Variants in ARHGAP17 observed in about 807,000 individuals in gnomAD.
The protein encoded by ARHGAP17 is Rho GTPase activating protein 17, also known as rho GTPase-activating protein 17.
In ARHGAP17, 57 loss-of-function variants were observed where a neutral mutation model predicts 99.5. That is an observed-to-expected ratio of 0.57 (90% CI 0.46 to 0.71). The LOEUF (loss-of-function observed/expected upper bound fraction) is 0.71. Among genes scored for constraint, ARHGAP17 ranks in the 30% least tolerant of loss-of-function variants. The probability of loss-of-function intolerance (pLI) is 0.00; values close to 1 mark genes in which losing one functional copy is unlikely to be tolerated. For missense variants in ARHGAP17, 1,000 were observed against 1,122.4 expected (o/e 0.89, Z 1.56); for synonymous variants, 417 against 429.6 (o/e 0.97, Z 0.36).
chr16:24,931,308 G>A lies in ARHGAP17; in HGVS notation c.1991C>T (p.Pro664Leu). 6.5e-7 allele frequency: 1 copy of A among 1,527,264 alleles called. No homozygotes were observed. Among genetic ancestry groups the A allele is most frequent in the South Asian group, 1.3e-5 (1 of 77,240 alleles). 94.6% of individuals were successfully genotyped at this position (1,527,264 alleles called of 1,614,324 possible). A position where few individuals can be genotyped will look rare whatever the true frequency, so the allele number is the denominator to read the frequency against. ...GGTGGGTGGCTTTGGTGACAGACTG[G>A]GTGGATGCTGAGATGTTCCTGAAGA... ...QSSSGTSQHP[P>L]SLSPKPPTRS... The change falls in exon 19 of 20, where the codon CCC becomes CTC. Residue 664 changes from proline to leucine, a missense_variant. This residue lies in a region of ARHGAP17 where 528 missense variants were observed against 511.4 expected (regional missense o/e 1.03). Transcript: ENST00000289968.
In ARHGAP17 at chr16:24,935,626, T is replaced by C. The variant is rs1002869753; in HGVS notation, c.1738A>G (p.Lys580Glu). 6.2e-7 allele frequency: 1 copy of C among 1,613,986 alleles called. No individual in the cohort carries two copies. The highest frequency in any genetic ancestry group is 8.5e-7 in the Non-Finnish European group (1 of 1,180,022). Residue 580 changes from lysine to glutamate, a missense_variant, in exon 18 of 20, where the codon AAG becomes GAG. Coordinates refer to ENST00000289968, the MANE Select transcript of ARHGAP17 (RefSeq NM_001006634.3). ...SPGDGSPPKPKDPVSAAVPAP... is the reference protein window; with the variant it reads ...SPGDGSPPKPEDPVSAAVPAP... ...GGCACAGCTGCAGATACAGGGTCCT[T>C]CGGTTTGGGAGGACTAAGAGGAGTA...
At chr16:24,998,037 C>T (rs1386181990) in intron 1 of ARHGAP17, among the ~76,000 whole-genome samples, 1 of 151,928 alleles carries the variant, frequency 6.6e-6, no homozygotes, top group Non-Finnish European at 1.5e-5. Flanking sequence ...CCCTGGGACA[C>T]AGCGGAAGGA....
Position 24,970,627 on chromosome 16 carries a change from A to G in ARHGAP17, c.199-47T>C, listed in dbSNP as rs1210491599. Reference sequence around the variant, plus strand: ...GTGTTTTTCTCATTATTTGATACCCATTCTCAATGATCTTTTTCAGATCAT... The same window carrying G: ...GTGTTTTTCTCATTATTTGATACCCGTTCTCAATGATCTTTTTCAGATCAT... On this transcript the variant is annotated intron_variant, in intron 3 of 19. Coordinates refer to ENST00000289968, the MANE Select transcript of ARHGAP17 (RefSeq NM_001006634.3). 4.7e-6 allele frequency: 7 copies of G among 1,499,358 alleles called. No homozygotes were observed. The South Asian group carries it at 7.9e-5, about 17-fold the overall frequency. The allele number at this position is 1,499,358 out of a possible 1,614,324, so 92.9% of individuals were successfully genotyped here.
intron 1 of ARHGAP17, among the ~76,000 whole-genome samples, chr16:24,988,887 C>T (rs1045677965): frequency 6.6e-6 from 1 of 152,240 alleles, no homozygotes; most frequent in African/African-American, 2.4e-5. Flanking sequence ...CCCCAGCCTG[C>T]TCCAGTCACT....
At chr16:24,985,722 C>T (rs1166162956) in intron 1 of ARHGAP17, among the ~76,000 whole-genome samples, 3 of 152,130 alleles carry the variant, frequency 2.0e-5, no homozygotes, top group Non-Finnish European at 2.9e-5. Flanking sequence ...GGACATGTTT[C>T]GGGAGGGCAG....
rs1037741078 is a variant in ARHGAP17 at position 24,942,119 on chromosome 16, G to A, written c.1358C>T (p.Ala453Val). The change falls in exon 16 of 20, where the codon GCA (alanine) becomes GTA (valine). Residue 453 changes from alanine (A) to valine (V), a missense_variant. Physicochemically the swap from Ala to Val is moderately conservative, Grantham distance 64. Around this residue, in one of 2 missense-constraint regions of ARHGAP17, gnomAD observed 472 missense variants for 611.1 expected, o/e 0.77. Transcript: ENST00000289968. ...ACTCGGGGTGGTGAGAGGTACAAATGCTTCTGATACATTAAATTCCACCTC... is the reference window on the plus strand; with the variant it reads ...ACTCGGGGTGGTGAGAGGTACAAATACTTCTGATACATTAAATTCCACCTC... ...PEEVEFNVSE[A>V]FVPLTTPSSN... 1.4e-6 allele frequency: 2 copies of A among 1,472,702 alleles called. No homozygotes were observed. Among genetic ancestry groups the A allele is most frequent in the African/African-American group, 2.9e-5 (2 of 69,606 alleles). The allele number at this position is 1,472,702 out of a possible 1,614,324, so 91.2% of individuals were successfully genotyped here.
chr16:24,974,985 C>G (rs1213641477), intron 3 of ARHGAP17, among the ~76,000 whole-genome samples: 3 of 151,874 alleles, frequency 2.0e-5, no homozygotes, highest in Non-Finnish European at 4.4e-5. Flanking sequence ...ATCTCTACTA[C>G]GAAAAAAACA....
intron 17 of ARHGAP17, among the ~76,000 whole-genome samples, chr16:24,938,723 G>A (rs113595811): frequency 9.5e-5 from 14 of 147,342 alleles, no homozygotes; most frequent in African/African-American, 2.2e-4. Context: ...AGTGAGCTAC[G>A]ATTATGCCAC....
chr16:24,924,982 A>C (rs946882675), intron 19 of ARHGAP17, among the ~76,000 whole-genome samples: 16 of 152,214 alleles, frequency 1.1e-4, no homozygotes, highest in African/African-American at 3.9e-4. Flanking sequence ...CAGAGTGTTT[A>C]AGACCCAAAC....
intron 3 of ARHGAP17, among the ~76,000 whole-genome samples, chr16:24,974,453 ATGCTT>A: frequency 6.6e-6 from 1 of 152,038 alleles, no homozygotes; most frequent in Non-Finnish European, 1.5e-5. Flanking sequence ...CAAACAAAAA[ATGCTT>A]AGCATCTCGG....
At position 24,980,814 on chromosome 16, in the gene ARHGAP17, G is replaced by GCCAA. The variant is rs2052653304; in HGVS notation, c.54-1813_54-1810dup. Among the ~76,000 whole-genome samples, 4 of 152,136 alleles carry GCCAA rather than the reference G, an allele frequency of 2.6e-5. No homozygotes were observed. In the South Asian group the frequency reaches 6.2e-4, roughly 24 times the overall value. On this transcript the variant is annotated intron_variant, in intron 1 of 19. Coordinates refer to ENST00000289968, the MANE Select transcript of ARHGAP17 (RefSeq NM_001006634.3). ...GGGTAACTTTTGCCTTTCTTCCCTA[G>GCCAA]CCAAAACCCCCAAATCTGGACAGGG...
At chr16:25,003,855 C>A (rs1364756305) in intron 1 of ARHGAP17, among the ~76,000 whole-genome samples, 1 of 151,610 alleles carries the variant, frequency 6.6e-6, no homozygotes, top group East Asian at 1.9e-4. Flanking sequence ...AACCAACTTA[C>A]ACCTTCTATT....
rs2050978397 is a variant in ARHGAP17 at position 24,931,167 on chromosome 16, G to C, written c.2132C>G (p.Pro711Arg). 1 of 1,595,930 alleles carries C rather than the reference G, an allele frequency of 6.3e-7. No individual in the cohort carries two copies. The highest frequency in any genetic ancestry group is 2.2e-5 in the East Asian group (1 of 44,780). ...YSSSLSPIQAPNHPPPQPPTQ... is the reference protein window; with the variant it reads ...YSSSLSPIQARNHPPPQPPTQ... ...AGGGGGCTGCGGCGGTGGGTGATTG[G>C]GAGCTTGGATTGGAGACAAGCTGCT... The change falls in exon 19 of 20, where the codon CCC becomes CGC. Residue 711 changes from proline (P) to arginine (R), a missense_variant. Physicochemically the swap from Pro to Arg is moderately radical, Grantham distance 103. Coordinates refer to ENST00000289968, the MANE Select transcript of ARHGAP17 (RefSeq NM_001006634.3).
chr16:24,998,454 G>A (rs540149979), intron 1 of ARHGAP17, among the ~76,000 whole-genome samples: 311 of 151,096 alleles, frequency 2.1e-3, no homozygotes, highest in African/African-American at 7.0e-3. Flanking sequence ...CCATGACCAC[G>A]GGTCAACCTG....
intron 1 of ARHGAP17, among the ~76,000 whole-genome samples, chr16:25,003,000 C>T (rs7199687): frequency 0.023 from 3,136 of 133,768 alleles, 104 homozygotes; most frequent in African/African-American, 0.079. Flanking sequence ...GATTATGCCA[C>T]TGCACTCCAG....
At chr16:24,984,622 A>T (rs1400473329) in intron 1 of ARHGAP17, among the ~76,000 whole-genome samples, 1 of 151,984 alleles carries the variant, frequency 6.6e-6, no homozygotes, top group Non-Finnish European at 1.5e-5. Context: ...AAATTGCGCC[A>T]CTGCACTCCA....
intron 12 of ARHGAP17, 115 bp from the exon 13 acceptor site, chr16:24,949,599 G>C: frequency 1.3e-6 from 1 of 797,950 alleles, no homozygotes; most frequent in Non-Finnish European, 2.0e-6. Context: ...TTGGAAAACA[G>C]CCCATGCTAT....
Position 24,959,996 on chromosome 16 carries a change from T to G in ARHGAP17, c.574-17A>C, listed in dbSNP as rs745676814. On this transcript the variant is annotated splice_polypyrimidine_tract_variant and intron_variant, in intron 7 of 19. Coordinates refer to ENST00000289968, the MANE Select transcript of ARHGAP17 (RefSeq NM_001006634.3). ...AAGTTGATCCTGGGTAAATGGAAGATAAGAGGTTATTGAAGAAAAAAGAAG... is the reference window on the plus strand; with the variant it reads ...AAGTTGATCCTGGGTAAATGGAAGAGAAGAGGTTATTGAAGAAAAAAGAAG... The G allele has an allele frequency of 6.2e-7, 1 of 1,612,722 alleles. No homozygotes were observed. The highest frequency in any genetic ancestry group is 1.7e-5 in the Admixed American group (1 of 59,806).
intron 12 of ARHGAP17, among the ~76,000 whole-genome samples, chr16:24,949,820 G>A (rs903347729): frequency 5.3e-5 from 8 of 152,276 alleles, no homozygotes; most frequent in Admixed American, 6.5e-5. Flanking sequence ...GTGTACTGAC[G>A]TATGGCTTTA....
Sources: allele counts gnomAD v4.1 joint callset (sites outside exome capture counted in the v4.1 genomes callset), GRCh38; gene constraint gnomAD v4.1.1; regional missense constraint gnomAD v4.1.1; transcripts MANE v1.5; gene names NCBI Gene and HGNC (gene_info 2026-07-23, HGNC 2026-07-21).